Variants in CNTNAP3B observed in about 807,000 individuals in gnomAD.
The protein encoded by CNTNAP3B is contactin associated protein family member 3B.
Under a neutral mutation model 108.9 loss-of-function variants are expected in CNTNAP3B, and 25 were observed. The observed-to-expected ratio is 0.23, with a 90% CI of 0.17 to 0.32. CNTNAP3B has a LOEUF of 0.32. CNTNAP3B is among the 10% of genes least tolerant of loss of function. CNTNAP3B has a pLI of 1.00. For synonymous variants in CNTNAP3B, 103 were observed against 473.4 expected, an observed-to-expected ratio of 0.22 and a Z score of 10.16; for missense variants, 252 against 1,210.4, an observed-to-expected ratio of 0.21 and a Z score of 11.75.
chr9:41,921,475 C>G (rs1413726463), intron 17 of CNTNAP3B, among the ~76,000 whole-genome samples: 2 of 149,322 alleles, frequency 1.3e-5, no homozygotes, highest in African/African-American at 5.0e-5. Context: ...TGTATCTACC[C>G]TCCCCTGTAA....
intron 1 of CNTNAP3B, among the ~76,000 whole-genome samples, chr9:42,128,318 CAG>C (rs1828615135): frequency 7.2e-6 from 1 of 139,092 alleles, no homozygotes; most frequent in Admixed American, 7.1e-5. Context: ...AAATAAAAAA[CAG>C]GGAACCCGAT....
intron 10 of CNTNAP3B, among the ~76,000 whole-genome samples, chr9:41,968,959 G>C (rs1301814490): frequency 8.5e-5 from 13 of 152,252 alleles, no homozygotes; most frequent in Admixed American, 7.9e-4. Context: ...ACCATGCCTG[G>C]CTAATTTTTT....
In CNTNAP3B at chr9:41,996,389, T is replaced by C; in HGVS notation, c.928-41A>G. The C allele has an allele frequency of 3.8e-6, 5 of 1,317,420 alleles. 1 individual carries two copies. In the South Asian group the frequency reaches 5.3e-5, roughly 14 times the overall value. The allele number at this position is 1,317,420 out of a possible 1,614,324, so 81.6% of individuals were successfully genotyped here. ...GACATAAATAACATTGTTTAGTGAT[T>C]TTCTGATGGTACGTGTTTAAAGCAT... On this transcript the variant is annotated intron_variant, in intron 6 of 23. Transcript: ENST00000377561.
chr9:42,111,621 A>G (rs986221646), intron 1 of CNTNAP3B, among the ~76,000 whole-genome samples: 1 of 138,362 alleles, frequency 7.2e-6, no homozygotes, highest in Non-Finnish European at 1.5e-5. Context: ...CAATCAAGAC[A>G]CTTTGGTTCC....
rs1158216109 is a variant in CNTNAP3B, at chr9:42,124,586, C to T, written c.85+4424G>A. Among the ~76,000 whole-genome samples, 21 of 128,436 alleles carry T rather than the reference C, an allele frequency of 1.6e-4. 2 individuals carry two copies. The highest frequency in any genetic ancestry group is 5.2e-4 in the South Asian group (2 of 3,836). 84.3% of individuals were successfully genotyped at this position (128,436 alleles called of 152,430 possible). ...CAAGCGTTTGCAAATGCTCTTACAACGTGGAGCAACCGGGCCTAGGGACAA... is the reference window on the plus strand; with the variant it reads ...CAAGCGTTTGCAAATGCTCTTACAATGTGGAGCAACCGGGCCTAGGGACAA... On this transcript the variant is annotated intron_variant, in intron 1 of 23. Coordinates refer to ENST00000377561, the MANE Select transcript of CNTNAP3B (RefSeq NM_001201380.3).
intron 15 of CNTNAP3B, among the ~76,000 whole-genome samples, chr9:41,927,863 C>T (rs1489786557): frequency 1.4e-5 from 2 of 147,602 alleles, no homozygotes; most frequent in South Asian, 4.3e-4. Flanking sequence ...AGGAGAAGGA[C>T]AAAGAGATTA....
At chr9:41,924,473 T>C (rs1823753932) in intron 15 of CNTNAP3B, among the ~76,000 whole-genome samples, 1 of 152,282 alleles carries the variant, frequency 6.6e-6, no homozygotes, top group Non-Finnish European at 1.5e-5. Flanking sequence ...GACTTTGGGG[T>C]TTTTGGTCTA....
At chr9:41,957,444 T>TC in intron 12 of CNTNAP3B, among the ~76,000 whole-genome samples, 1 of 97,340 alleles carries the variant, frequency 1.0e-5, no homozygotes, top group East Asian at 2.5e-4. Context: ...AGTCTTTTTT[T>TC]CTCTTTGCTT....
intron 13 of CNTNAP3B, among the ~76,000 whole-genome samples, chr9:41,939,273 C>T (rs1217252078): frequency 6.6e-6 from 1 of 152,292 alleles, no homozygotes; most frequent in Non-Finnish European, 1.5e-5. Flanking sequence ...ACAGATTAGG[C>T]CATGAGGAAA....
At chr9:42,109,853 A>G (rs1828157579) in intron 1 of CNTNAP3B, among the ~76,000 whole-genome samples, 1 of 135,662 alleles carries the variant, frequency 7.4e-6, no homozygotes, top group African/African-American at 3.0e-5. Flanking sequence ...AAATACCATC[A>G]GAACTGCCCT....
At chr9:41,964,872 C>T (rs1164252411) in intron 10 of CNTNAP3B, among the ~76,000 whole-genome samples, 3 of 152,266 alleles carry the variant, frequency 2.0e-5, no homozygotes, top group East Asian at 1.9e-4. Context: ...GAATTTTCAA[C>T]ACATTTCTTT....
chr9:42,016,621 A>G (rs1233199514), intron 3 of CNTNAP3B, among the ~76,000 whole-genome samples: 2 of 151,748 alleles, frequency 1.3e-5, no homozygotes, highest in African/African-American at 4.9e-5. Context: ...TTATAGAAAT[A>G]TGCAGCCTTC....
Position 41,966,871 on chromosome 9 carries a change from G to A in CNTNAP3B, c.1650-2227C>T, listed in dbSNP as rs543376290. Among the ~76,000 whole-genome samples the A allele has an allele frequency of 2.0e-5, 3 of 149,902 alleles. No individual in the cohort carries two copies. In the South Asian group the frequency reaches 6.4e-4, roughly 32 times the overall value. On this transcript the variant is annotated intron_variant, in intron 10 of 23. Coordinates refer to ENST00000377561, the MANE Select transcript of CNTNAP3B (RefSeq NM_001201380.3). ...AGTTCCAGCTACTCGGGAGGCCGAG[G>A]CATGAGAATGGCATGAACCCAGGAG...
At chr9:42,006,147 C>T (rs1826078866) in intron 4 of CNTNAP3B, among the ~76,000 whole-genome samples, 1 of 53,284 alleles carries the variant, frequency 1.9e-5, no homozygotes, top group Non-Finnish European at 4.2e-5. Flanking sequence ...TGTGCCTAAC[C>T]TAGAAGCCTA....
chr9:41,919,385 A>G (rs1823607096), intron 18 of CNTNAP3B, among the ~76,000 whole-genome samples: 1 of 151,484 alleles, frequency 6.6e-6, no homozygotes, highest in African/African-American at 2.4e-5. Context: ...AAGTGCTGGG[A>G]TTACAGGCAT....
At chr9:41,934,140 TACACACACATATATATACAC>T (rs1824076827) in intron 14 of CNTNAP3B, among the ~76,000 whole-genome samples, 3 of 113,376 alleles carry the variant, frequency 2.6e-5, no homozygotes, top group South Asian at 2.6e-4. Context: ...CATATATATA[TACACACACATATATATACAC>T]ACACACACAT....
intron 12 of CNTNAP3B, among the ~76,000 whole-genome samples, chr9:41,958,234 A>G (rs1329247049): frequency 1.3e-5 from 2 of 152,288 alleles, no homozygotes; most frequent in Admixed American, 6.5e-5. Context: ...CAGCCTCCCA[A>G]GTAGCTGGGA....
intron 14 of CNTNAP3B, among the ~76,000 whole-genome samples, chr9:41,930,678 T>A (rs1823951803): frequency 6.6e-6 from 1 of 152,306 alleles, no homozygotes; most frequent in African/African-American, 2.4e-5. Context: ...ACACAGCCTA[T>A]TGAATACCAT....
At chr9:41,953,115 G>A (rs1015928161) in intron 13 of CNTNAP3B, 68 bp downstream of exon 13, 3 of 1,405,090 alleles carry the variant, frequency 2.1e-6, no homozygotes, top group Non-Finnish European at 1.9e-6. Context: ...TCCCTCAAAG[G>A]CATCTCGCAG....
Sources: gnomAD v4.1 joint callset for allele counts (sites outside exome capture counted in the v4.1 genomes callset) on GRCh38, gnomAD v4.1.1 for gene constraint, MANE v1.5 for transcripts, NCBI Gene and HGNC (gene_info 2026-07-23, HGNC 2026-07-21) for gene names.